Variants in ZFAND6 observed in about 807,000 individuals in gnomAD.
The protein encoded by ZFAND6 is zinc finger AN1-type containing 6, also known as AN1-type zinc finger protein 6.
Under a neutral mutation model 24.5 loss-of-function variants are expected in ZFAND6, and 12 were observed. That is an observed-to-expected ratio of 0.49 (90% CI 0.31 to 0.79). The LOEUF (loss-of-function observed/expected upper bound fraction) is 0.79, where lower values mean the gene tolerates loss of function less well. Among genes scored for constraint, ZFAND6 ranks in the 30% least tolerant of loss-of-function variants. The pLI is 0.04. For missense variants in ZFAND6, 207 were observed against 245.9 expected (o/e 0.84, Z 1.06); for synonymous variants, 92 against 81.5 (o/e 1.13, Z -0.69).
intron 1 of ZFAND6, chr15:80,075,251 A>G: frequency 5.1e-6 from 1 of 197,934 alleles, no homozygotes; most frequent in Non-Finnish European, 1.1e-5. Flanking sequence ...TGGTAATTTG[A>G]CAACATGTAA....
chr15:80,102,556 T>G (rs2039092585), intron 2 of ZFAND6, among the ~76,000 whole-genome samples: 1 of 152,254 alleles, frequency 6.6e-6, no homozygotes, highest in African/African-American at 2.4e-5. Context: ...TTTTTACATT[T>G]AAATGCTAGT....
chr15:80,071,030 C>T (rs921852513), intron 1 of ZFAND6, among the ~76,000 whole-genome samples: 1 of 152,140 alleles, frequency 6.6e-6, no homozygotes, highest in Non-Finnish European at 1.5e-5. Flanking sequence ...TGGGAGTAGA[C>T]CCCTGTGAAT....
chr15:80,107,167 A>G (rs1024853591), intron 2 of ZFAND6, among the ~76,000 whole-genome samples: 2 of 152,202 alleles, frequency 1.3e-5, no homozygotes, highest in Admixed American at 6.5e-5. Context: ...GGGAGCCAAG[A>G]TTGCGCCACT....
intron 1 of ZFAND6, among the ~76,000 whole-genome samples, chr15:80,069,565 G>A (rs180986414): frequency 8.9e-4 from 136 of 152,108 alleles, no homozygotes; most frequent in Admixed American, 1.8e-3. Context: ...AGATACACCA[G>A]GAATTGCAGG....
intron 2 of ZFAND6, among the ~76,000 whole-genome samples, chr15:80,102,951 G>A (rs1307582826): frequency 2.6e-5 from 4 of 152,200 alleles, no homozygotes; most frequent in African/African-American, 9.6e-5. Context: ...TAATTGAATT[G>A]CAAGTATATA....
intron 1 of ZFAND6, among the ~76,000 whole-genome samples, chr15:80,072,362 G>A (rs2037026612): frequency 2.0e-5 from 3 of 152,044 alleles, no homozygotes; most frequent in Admixed American, 2.0e-4. Flanking sequence ...AGTATATGAT[G>A]GGAAAACTGA....
chr15:80,095,610 G>A (rs895930528), intron 1 of ZFAND6, among the ~76,000 whole-genome samples: 2 of 152,042 alleles, frequency 1.3e-5, no homozygotes, highest in African/African-American at 2.4e-5. Context: ...ATATTTAACC[G>A]GGTTTAGGTA....
chr15:80,119,615 T>C (rs1267911581), intron 2 of ZFAND6, among the ~76,000 whole-genome samples: 2 of 152,222 alleles, frequency 1.3e-5, no homozygotes, highest in Non-Finnish European at 2.9e-5. Context: ...TCTAATGTTA[T>C]TGTCTGTTTA....
At chr15:80,094,734 T>C (rs1249128922) in intron 1 of ZFAND6, among the ~76,000 whole-genome samples, 1 of 152,120 alleles carries the variant, frequency 6.6e-6, no homozygotes, top group Non-Finnish European at 1.5e-5. Flanking sequence ...AAATATGCAG[T>C]TATCTAATAC....
chr15:80,077,459 G>A (rs538604681), intron 1 of ZFAND6, among the ~76,000 whole-genome samples: 2 of 152,132 alleles, frequency 1.3e-5, no homozygotes, highest in South Asian at 4.2e-4. Flanking sequence ...TAAAGCAAAA[G>A]GACCTCTATT....
chr15:80,131,345 C>T, intron 6 of ZFAND6, 52 bp downstream of exon 6: 3 of 1,468,910 alleles, frequency 2.0e-6, no homozygotes, highest in Non-Finnish European at 2.8e-6. Context: ...TATAATAATG[C>T]ATAGCTTACT....
intron 1 of ZFAND6, among the ~76,000 whole-genome samples, chr15:80,062,242 A>T (rs567668999): frequency 1.3e-5 from 2 of 152,338 alleles, no homozygotes; most frequent in South Asian, 4.1e-4. Context: ...TTTTGCACAG[A>T]CTTTAATTAA....
chr15:80,079,656 T>TC (rs1452979752), intron 1 of ZFAND6, among the ~76,000 whole-genome samples: 4 of 149,664 alleles, frequency 2.7e-5, no homozygotes, highest in African/African-American at 9.9e-5. Context: ...TAGCTTTTTT[T>TC]TTTTTTTTTT....
intron 2 of ZFAND6, among the ~76,000 whole-genome samples, chr15:80,114,872 G>A (rs962241575): frequency 3.9e-5 from 6 of 152,118 alleles, no homozygotes; most frequent in African/African-American, 1.2e-4. Context: ...TGCATAATAT[G>A]TTAACATTGA....
chr15:80,071,366 C>A (rs1244924376), intron 1 of ZFAND6, among the ~76,000 whole-genome samples: 1 of 152,078 alleles, frequency 6.6e-6, no homozygotes, highest in Non-Finnish European at 1.5e-5. Flanking sequence ...GCTTTAATTT[C>A]GAGTTTATGA....
At chr15:80,101,301 A>AAGATAC (rs2039015543) in intron 2 of ZFAND6, among the ~76,000 whole-genome samples, 2 of 152,082 alleles carry the variant, frequency 1.3e-5, no homozygotes, top group African/African-American at 2.4e-5. Context: ...GTCTCTACTA[A>AAGATAC]AGATACAAAA....
At chr15:80,082,370 AT>A (rs1440687272) in intron 1 of ZFAND6, among the ~76,000 whole-genome samples, 1 of 152,220 alleles carries the variant, frequency 6.6e-6, no homozygotes, top group African/African-American at 2.4e-5. Context: ...GATAGGAAAA[AT>A]TGACAAAGGT....
intron 1 of ZFAND6, among the ~76,000 whole-genome samples, chr15:80,082,981 A>G (rs2037765390): frequency 6.6e-6 from 1 of 152,016 alleles, no homozygotes; most frequent in South Asian, 2.1e-4. Context: ...ACATATATAC[A>G]TATGTTATTT....
At chr15:80,118,016 T>TTGTGTGTG (rs71455308) in intron 2 of ZFAND6, among the ~76,000 whole-genome samples, 64,369 of 150,162 alleles carry the variant, frequency 0.43, 14,868 homozygotes, top group Middle Eastern at 0.57. Flanking sequence ...AGGTATTGAA[T>TTGTGTGTG]TGTGTGTGTG....
Sources: allele counts gnomAD v4.1 joint callset (sites outside exome capture counted in the v4.1 genomes callset), GRCh38; gene constraint gnomAD v4.1.1; transcripts MANE v1.5; gene names NCBI Gene and HGNC (gene_info 2026-07-23, HGNC 2026-07-21).